The following IFT74 variants were observed in gnomAD, a reference collection of about 807,000 sequenced individuals.
IFT74 encodes intraflagellar transport 74.
Under a neutral mutation model 96.7 loss-of-function variants are expected in IFT74, and 92 were observed. That is an observed-to-expected ratio of 0.95 (90% CI 0.80 to 1.13). The LOEUF is 1.13. Among genes scored for constraint, IFT74 ranks in the 50% most tolerant of loss-of-function variants. The pLI, the probability that IFT74 is intolerant of heterozygous loss-of-function variation, is 0.00. For synonymous variants in IFT74, 223 were observed against 213.2 expected (o/e 1.05, Z -0.40); for missense variants, 811 against 698.2 (o/e 1.16, Z -1.82).
intron 8 of IFT74, among the ~76,000 whole-genome samples, 193 bp downstream of exon 8, chr9:26,990,388 A>G (rs1563954865): frequency 6.6e-6 from 1 of 152,194 alleles, no homozygotes; most frequent in Non-Finnish European, 1.5e-5. Context: ...TAAATTCTGT[A>G]TAAAGACTAT....
intron 13 of IFT74, chr9:27,036,879 C>T (rs1587396044): frequency 1.0e-6 from 1 of 976,202 alleles, no homozygotes; most frequent in East Asian, 1.0e-4. Context: ...TTAGTGCTGC[C>T]CCTACAATGG....
intron 14 of IFT74, 114 bp from the exon 15 acceptor site, chr9:27,047,160 G>A (rs191485912): frequency 0.011 from 6,494 of 587,524 alleles, 52 homozygotes; most frequent in East Asian, 0.026. Flanking sequence ...AACAGAGTGA[G>A]ACTCTGTCTC....
intron 13 of IFT74, among the ~76,000 whole-genome samples, chr9:27,035,753 A>G (rs754313793): frequency 5.3e-5 from 8 of 152,226 alleles, no homozygotes; most frequent in Non-Finnish European, 8.8e-5. Flanking sequence ...TTAGATAATA[A>G]AAATTATACA....
At chr9:26,987,141 T>C (rs992596310) in intron 6 of IFT74, among the ~76,000 whole-genome samples, 1 of 152,048 alleles carries the variant, frequency 6.6e-6, no homozygotes, top group Non-Finnish European at 1.5e-5. Context: ...CCTCCGCCTC[T>C]TGGGTTCAAG....
In IFT74 at chr9:27,060,638, T is replaced by G. The variant is rs778304961; in HGVS notation, c.1671T>G (p.Phe557Leu). The change falls in exon 19 of 20, where the codon TTT (phenylalanine) becomes TTG (leucine). Residue 557 changes from phenylalanine (F) to leucine (L), a missense_variant. Physicochemically the swap from Phe to Leu is conservative, Grantham distance 22. Coordinates refer to ENST00000380062, the MANE Select transcript of IFT74 (RefSeq NM_025103.4). The stretch of plus-strand genomic sequence containing the variant: ...GGCAACACCTTGAGCAAAATAATTT[T>G]GCGATGAAAGAATGTATCCTTTAAA... The part of the protein sequence containing the change: ...RKWQHLEQNN[F>L]AMKEFIATKS... 34 of 1,600,794 alleles carry G rather than the reference T, an allele frequency of 2.1e-5. No individual in the cohort carries two copies. The highest frequency in any genetic ancestry group is 4.0e-5 in the African/African-American group (3 of 74,426).
chr9:27,064,838 G>GT lies in IFT74; in HGVS notation c.*2109dup, dbSNP rs1376665332. On this transcript the variant is annotated 3_prime_UTR_variant, in exon 20 of 20. Coordinates refer to ENST00000380062, the MANE Select transcript of IFT74 (RefSeq NM_025103.4). Reference sequence around the variant, plus strand: ...GTAATTTTTACTATTAGTAATAAGGGTTTTTTTCTGAGTGGTGGGATTATG... The same window carrying GT: ...GTAATTTTTACTATTAGTAATAAGGGTTTTTTTTCTGAGTGGTGGGATTATG... 6.6e-6 allele frequency among the ~76,000 whole-genome samples: 1 copy of GT among 151,802 alleles called. No individual in the cohort carries two copies. The highest frequency in any genetic ancestry group is 2.4e-5 in the African/African-American group (1 of 41,314).
intron 12 of IFT74, among the ~76,000 whole-genome samples, chr9:27,020,798 T>C (rs964888302): frequency 1.2e-4 from 19 of 152,124 alleles, no homozygotes; most frequent in African/African-American, 4.1e-4. Flanking sequence ...CAGTAGTTTT[T>C]GGGGAACAGG....
chr9:27,021,117 G>A (rs1258685570), intron 12 of IFT74, among the ~76,000 whole-genome samples: 1 of 151,918 alleles, frequency 6.6e-6, no homozygotes, highest in East Asian at 1.9e-4. Flanking sequence ...CCTTTTTATG[G>A]CTGAGTAGAA....
chr9:26,975,018 G>A (rs886901810), intron 2 of IFT74, among the ~76,000 whole-genome samples: 5 of 152,152 alleles, frequency 3.3e-5, no homozygotes, highest in Non-Finnish European at 7.3e-5. Flanking sequence ...CTTTCAGGGA[G>A]GGGTACTTAA....
chr9:27,025,255 C>G (rs1829804179), intron 12 of IFT74, among the ~76,000 whole-genome samples: 2 of 151,678 alleles, frequency 1.3e-5, no homozygotes, highest in South Asian at 4.2e-4. Context: ...GCAGCCTGGC[C>G]AATAAGGTAA....
At chr9:27,003,308 A>G (rs1828601444) in intron 8 of IFT74, among the ~76,000 whole-genome samples, 1 of 152,052 alleles carries the variant, frequency 6.6e-6, no homozygotes, top group African/African-American at 2.4e-5. Context: ...AGATCACCTG[A>G]GGTCAGGAGT....
chr9:27,056,577 A>G (rs1217272041), intron 18 of IFT74, 118 bp downstream of exon 18: 3 of 788,944 alleles, frequency 3.8e-6, no homozygotes, highest in Non-Finnish European at 5.9e-6. Flanking sequence ...GACTTTTAAG[A>G]CAGCCAGATT....
At chr9:27,040,612 A>G (rs1819437235) in intron 13 of IFT74, among the ~76,000 whole-genome samples, 2 of 151,214 alleles carry the variant, frequency 1.3e-5, no homozygotes, top group South Asian at 4.2e-4. Context: ...GAAGTATTCC[A>G]AGTGCTAAGA....
chr9:26,991,146 A>C (rs1488555054), intron 8 of IFT74, among the ~76,000 whole-genome samples: 1 of 152,214 alleles, frequency 6.6e-6, no homozygotes, highest in Non-Finnish European at 1.5e-5. Context: ...TAAATATTTG[A>C]TGATGGATAG....
intron 18 of IFT74, among the ~76,000 whole-genome samples, chr9:27,058,945 GAAACAAGAC>G (rs2131710396): frequency 6.6e-6 from 1 of 152,252 alleles, no homozygotes; most frequent in Admixed American, 6.5e-5. Context: ...TGCTGGGGAA[GAAACAAGAC>G]AAAGTTTGGG....
rs1480235678 is a variant in IFT74, at chr9:27,013,446, A to G, written c.789+1478A>G. 2.0e-5 allele frequency among the ~76,000 whole-genome samples: 3 copies of G among 152,228 alleles called. No individual in the cohort carries two copies. The East Asian group carries it at 5.8e-4, about 29-fold the overall frequency. On this transcript the variant is annotated intron_variant, in intron 10 of 19. Coordinates refer to ENST00000380062, the MANE Select transcript of IFT74 (RefSeq NM_025103.4). Reference sequence around the variant, plus strand: ...AGATTGAATTCTCACAATGGGTCAAAAGGTATACAGTTTAAAAATGTTGTC... The same window carrying G: ...AGATTGAATTCTCACAATGGGTCAAGAGGTATACAGTTTAAAAATGTTGTC...
intron 12 of IFT74, among the ~76,000 whole-genome samples, chr9:27,019,824 G>A (rs1829513860): frequency 6.6e-6 from 1 of 151,918 alleles, no homozygotes; most frequent in Non-Finnish European, 1.5e-5. Context: ...TCATGACTAT[G>A]TTTAACTTTT....
chr9:27,011,819 A>AT (rs375060551), intron 9 of IFT74, 87 bp from the exon 10 acceptor site: 10 of 707,258 alleles, frequency 1.4e-5, no homozygotes, highest in African/African-American at 1.9e-5. Flanking sequence ...AGAGAAATAA[A>AT]TTTTTTTTCC....
In IFT74 at chr9:27,060,607, G is replaced by T; in HGVS notation, c.1640G>T (p.Arg547Ile). Residue 547 changes from arginine to isoleucine, a missense_variant, in exon 19 of 20, where the codon AGA becomes ATA. Coordinates refer to ENST00000380062, the MANE Select transcript of IFT74 (RefSeq NM_025103.4). ...ETHSQLTNLE[R>I]KWQHLEQNNF... ...TGTTTTTAGCTTACAAATTTGGAGAGAAAGTGGCAACACCTTGAGCAAAAT... is the reference window on the plus strand; with the variant it reads ...TGTTTTTAGCTTACAAATTTGGAGATAAAGTGGCAACACCTTGAGCAAAAT... 1 of 1,593,856 alleles carries T rather than the reference G, an allele frequency of 6.3e-7. No individual in the cohort carries two copies. The highest frequency in any genetic ancestry group is 8.6e-7 in the Non-Finnish European group (1 of 1,167,456).
Sources: allele counts gnomAD v4.1 joint callset (sites outside exome capture counted in the v4.1 genomes callset), GRCh38; gene constraint gnomAD v4.1.1; transcripts MANE v1.5; gene names NCBI Gene and HGNC (gene_info 2026-07-23, HGNC 2026-07-21).